Variants in AK9 observed in about 807,000 individuals in gnomAD.
AK9 encodes adenylate kinase domain containing 1.
Under a neutral mutation model 239.6 loss-of-function variants are expected in AK9, and 191 were observed. The observed-to-expected ratio is 0.80, with a 90% confidence interval of 0.71 to 0.90. AK9 has a LOEUF of 0.90. AK9 is among the 40% of genes least tolerant of loss of function. AK9 has a pLI of 0.00. For synonymous variants in AK9, 689 were observed against 721.0 expected, an observed-to-expected ratio of 0.96 and a Z score of 0.71; for missense variants, 1,995 against 2,214.7, an observed-to-expected ratio of 0.90 and a Z score of 1.99.
At chr6:109,623,360 T>A (rs6922784) in intron 12 of AK9, among the ~76,000 whole-genome samples, 27 of 151,884 alleles carry the variant, frequency 1.8e-4, no homozygotes, top group African/African-American at 6.5e-4. Flanking sequence ...GACTAAGTCA[T>A]GAAAAACATT....
intron 8 of AK9, among the ~76,000 whole-genome samples, chr6:109,651,569 A>C (rs1032066665): frequency 8.5e-5 from 13 of 152,254 alleles, no homozygotes; most frequent in Non-Finnish European, 1.3e-4. Flanking sequence ...AACTAAGATC[A>C]GAGCAGAACT....
chr6:109,663,899 C>T lies in AK9; in HGVS notation c.332-1236G>A, dbSNP rs557977744. The stretch of plus-strand genomic sequence containing the variant: ...TTATTCCAAAGGCTATTAAAATACT[C>T]CTCCCTTTCCAAGAATATATCTATG... On this transcript the variant is annotated intron_variant, in intron 5 of 40. Transcript: ENST00000424296. 1.8e-4 allele frequency among the ~76,000 whole-genome samples: 28 copies of T among 152,280 alleles called. 1 individual carries two copies. In the Middle Eastern group the frequency reaches 0.034, roughly 185 times the overall value.
intron 29 of AK9, among the ~76,000 whole-genome samples, chr6:109,525,158 G>A (rs777462855): frequency 2.0e-5 from 3 of 152,104 alleles, no homozygotes; most frequent in Admixed American, 6.6e-5. Context: ...CGACCTTGTC[G>A]AAGATCAGAT....
At chr6:109,558,010 T>C (rs942690133) in intron 24 of AK9, among the ~76,000 whole-genome samples, 2 of 152,228 alleles carry the variant, frequency 1.3e-5, no homozygotes, top group Non-Finnish European at 2.9e-5. Flanking sequence ...CATCTTTTCA[T>C]GTACCTATTA....
chr6:109,579,553 T>C lies in AK9; in HGVS notation c.2188A>G (p.Lys730Glu), dbSNP rs1583095268. 3 of 1,551,296 alleles carry C rather than the reference T, an allele frequency of 1.9e-6. No homozygotes were observed. The highest frequency in any genetic ancestry group is 2.4e-5 in the East Asian group (1 of 40,858). The change falls in exon 20 of 41, where the codon AAA becomes GAA. Residue 730 changes from lysine to glutamate, a missense_variant. Physicochemically the swap from Lys to Glu is moderately conservative, Grantham distance 56 (BLOSUM62 1). Coordinates refer to ENST00000424296, the MANE Select transcript of AK9 (RefSeq NM_001145128.3). ...RLLELMKVKAKEAEETDNEDE... is the reference protein window; with the variant it reads ...RLLELMKVKAEEAEETDNEDE... Reference sequence around the variant, plus strand: ...AGTCATAGCAATCTGTGCTTGCCTTTTGCCTTCACTTTCATAAGTTCCAGT... The same window carrying C: ...AGTCATAGCAATCTGTGCTTGCCTTCTGCCTTCACTTTCATAAGTTCCAGT...
chr6:109,583,514 T>G (rs1789114967), intron 19 of AK9, among the ~76,000 whole-genome samples: 1 of 152,254 alleles, frequency 6.6e-6, no homozygotes, highest in East Asian at 1.9e-4. Flanking sequence ...TTAAAAACCA[T>G]CTTAAATTTT....
intron 17 of AK9, among the ~76,000 whole-genome samples, chr6:109,594,648 G>A (rs1294367354): frequency 6.6e-6 from 1 of 152,082 alleles, no homozygotes; most frequent in Non-Finnish European, 1.5e-5. Flanking sequence ...AAATGGTACT[G>A]GTACCAAAAC....
intron 5 of AK9, among the ~76,000 whole-genome samples, chr6:109,668,198 T>C (rs1801529705): frequency 6.6e-6 from 1 of 152,228 alleles, no homozygotes; most frequent in African/African-American, 2.4e-5. Context: ...AGAAATGTCT[T>C]CTTTTGAGAA....
chr6:109,669,544 T>C (rs1801771268), intron 5 of AK9, among the ~76,000 whole-genome samples: 1 of 152,162 alleles, frequency 6.6e-6, no homozygotes, highest in South Asian at 2.1e-4. Context: ...ATAGCTTAAT[T>C]ATGATTAGAT....
rs1793926279 is a variant in AK9 at position 109,614,438 on chromosome 6, A to AT, written c.1441dup (p.Met481AsnfsTer16). 2.6e-6 allele frequency: 4 copies of AT among 1,551,120 alleles called. No individual in the cohort carries two copies. The highest frequency in any genetic ancestry group is 3.5e-6 in the Non-Finnish European group (4 of 1,146,734). On this transcript the variant is annotated frameshift_variant, in exon 14 of 41. Transcript: ENST00000424296. LOFTEE classifies it high-confidence loss of function. ...CTCCATTGGGAATACTCCAAACTCC[A>AT]TTTTTTCATATTGCCTTTGAAATTC...
At chr6:109,660,876 T>C (rs1583474516) in intron 6 of AK9, 5 of 444,804 alleles carry the variant, frequency 1.1e-5, no homozygotes, top group Non-Finnish European at 2.2e-5. Context: ...CTGTTGGAAC[T>C]GGGACCACTC....
chr6:109,657,726 T>C (rs1445249277), intron 7 of AK9, among the ~76,000 whole-genome samples: 1 of 151,932 alleles, frequency 6.6e-6, no homozygotes, highest in Non-Finnish European at 1.5e-5. Flanking sequence ...CAGGCTCTGG[T>C]GTGTGATGTT....
At chr6:109,550,049 A>T in intron 25 of AK9, 41 bp downstream of exon 25, 1 of 1,589,468 alleles carries the variant, frequency 6.3e-7, no homozygotes, top group Non-Finnish European at 8.6e-7. Context: ...TCCCAAAAAA[A>T]TCCTGTGGGA....
At chr6:109,563,838 C>T in intron 23 of AK9, 126 bp from the exon 24 acceptor site, 7 of 1,234,662 alleles carry the variant, frequency 5.7e-6, no homozygotes, top group Non-Finnish European at 7.7e-6. Context: ...AATATGTATG[C>T]AAATAGGCCT....
intron 19 of AK9, among the ~76,000 whole-genome samples, chr6:109,581,869 A>G (rs1188970688): frequency 6.6e-6 from 1 of 152,212 alleles, no homozygotes; most frequent in East Asian, 1.9e-4. Flanking sequence ...CTGGCTTCAA[A>G]GCTTTAAGGG....
At chr6:109,680,691 A>C (rs2128350773) in intron 1 of AK9, among the ~76,000 whole-genome samples, 1 of 152,358 alleles carries the variant, frequency 6.6e-6, no homozygotes, top group South Asian at 2.1e-4. Context: ...AAAAATGTTA[A>C]GGGTAGCCAG....
intron 1 of AK9, among the ~76,000 whole-genome samples, 156 bp from the exon 2 acceptor site, chr6:109,675,912 C>G (rs182088615): frequency 6.6e-6 from 1 of 152,046 alleles, no homozygotes; most frequent in East Asian, 1.9e-4. Flanking sequence ...AAGTTTAACT[C>G]ATTTATAAAA....
intron 5 of AK9, among the ~76,000 whole-genome samples, chr6:109,664,597 G>T (rs1800905768): frequency 6.6e-6 from 1 of 151,764 alleles, no homozygotes; most frequent in Non-Finnish European, 1.5e-5. Flanking sequence ...GCTAATTTTT[G>T]TATTTTCAGT....
chr6:109,506,883 CT>C (rs1316567865), intron 33 of AK9, 83 bp from the exon 34 acceptor site: 137 of 1,429,388 alleles, frequency 9.6e-5, no homozygotes, highest in Non-Finnish European at 6.9e-5. Flanking sequence ...ACCAGTCTGT[CT>C]CTTTAGGAGT....
Sources: allele counts gnomAD v4.1 joint callset (sites outside exome capture counted in the v4.1 genomes callset), GRCh38; gene constraint gnomAD v4.1.1; transcripts MANE v1.5; gene names NCBI Gene and HGNC (gene_info 2026-07-23, HGNC 2026-07-21).